Variants in GAPDHS observed in about 807,000 individuals in gnomAD.
GAPDHS encodes the protein glyceraldehyde-3-phosphate dehydrogenase, spermatogenic.
GAPDHS carries 42 observed loss-of-function variants against 48.7 expected under a neutral mutation model. The observed-to-expected ratio is 0.86, with a 90% CI of 0.67 to 1.12. The LOEUF (loss-of-function observed/expected upper bound fraction) is 1.12. Ranked by LOEUF, GAPDHS falls within the 50% of genes most tolerant of loss-of-function variation. The pLI is 0.00. For synonymous variants in GAPDHS, 166 were observed against 219.1 expected (o/e 0.76, Z 2.14); for missense variants, 512 against 557.7 (o/e 0.92, Z 0.82).
At chr19:35,542,883 A>G in intron 6 of GAPDHS, 62 bp from the exon 7 acceptor site, 1 of 1,232,194 alleles carries the variant, frequency 8.1e-7, no homozygotes, top group Non-Finnish European at 1.2e-6. Flanking sequence ...AAGAGGGGTA[A>G]GGGTGGAGGG....
intron 4 of GAPDHS, 27 bp downstream of exon 4, chr19:35,538,710 G>A (rs749377048): frequency 5.3e-6 from 7 of 1,328,046 alleles, no homozygotes; most frequent in Admixed American, 1.7e-5. Context: ...TCTGATGCAC[G>A]GCTGTGACAT....
intron 2 of GAPDHS, 90 bp downstream of exon 2, chr19:35,537,080 C>A: frequency 8.9e-7 from 1 of 1,124,580 alleles, no homozygotes; most frequent in Admixed American, 2.1e-5. Context: ...ACATTTCCCC[C>A]CATCAATGCT....
At position 35,542,590 on chromosome 19, in the gene GAPDHS, G is replaced by A; in HGVS notation, c.641G>A (p.Gly214Asp). Residue 214 changes from glycine (G) to aspartate (D), a missense_variant, in exon 6 of 11, where the codon GGC becomes GAC. By Grantham distance (94) the Gly-to-Asp change is moderately conservative (BLOSUM62 -1). Coordinates refer to ENST00000222286, the MANE Select transcript of GAPDHS (RefSeq NM_014364.5). ...MGVNENDYNP[G>D]SMNIVSNASC... ...GTCAATGAAAATGACTATAACCCTG[G>A]CTCCATGAACATTGTGAGGTAATGT... 6.2e-7 allele frequency: 1 copy of A among 1,610,904 alleles called. No individual in the cohort carries two copies. Among genetic ancestry groups the A allele is most frequent in the Non-Finnish European group, 8.5e-7 (1 of 1,177,102 alleles).
chr19:35,538,478 A>T, intron 3 of GAPDHS, 75 bp downstream of exon 3: 5 of 1,284,034 alleles, frequency 3.9e-6, no homozygotes, highest in Non-Finnish European at 5.6e-6. Flanking sequence ...GCTGTATGGA[A>T]GGCTCTCAGC....
intron 1 of GAPDHS, among the ~76,000 whole-genome samples, chr19:35,534,941 C>T (rs2071455745): frequency 6.6e-6 from 1 of 152,076 alleles, no homozygotes; most frequent in African/African-American, 2.4e-5. Context: ...CTTCTCCACC[C>T]CCTGCTGTCT....
chr19:35,542,577 G>T lies in GAPDHS; in HGVS notation c.628G>T (p.Asp210Tyr). Residue 210 changes from aspartate to tyrosine, a missense_variant, in exon 6 of 11, where the codon GAC becomes TAC. By Grantham distance (160) the Asp-to-Tyr change is radical (BLOSUM62 -3). Coordinates refer to ENST00000222286, the MANE Select transcript of GAPDHS (RefSeq NM_014364.5). ...PMFVMGVNEN[D>Y]YNPGSMNIVS... ...GTTCGTCATGGGTGTCAATGAAAAT[G>T]ACTATAACCCTGGCTCCATGAACAT... The T allele has an allele frequency of 6.2e-7, 1 of 1,613,092 alleles. No individual in the cohort carries two copies. The highest frequency in any genetic ancestry group is 1.1e-5 in the South Asian group (1 of 91,034).
rs756944670 is a variant in GAPDHS at position 35,543,735 on chromosome 19, G to A, written c.964G>A (p.Ala322Thr). 1.8e-5 allele frequency: 29 copies of A among 1,613,832 alleles called. No homozygotes were observed. Among genetic ancestry groups the A allele is most frequent in the East Asian group, 4.5e-5 (2 of 44,900 alleles). The change falls in exon 9 of 11, where the codon GCC becomes ACC. Residue 322 changes from alanine to threonine, a missense_variant. Transcript: ENST00000222286. ...TGTCGTGGACCTGACCTGCCGCCTC[G>A]CCCAGCCTGCCCCCTACTCAGCCAT... Reference protein sequence around the residue: ...VSVVDLTCRLAQPAPYSAIKE... With the variant: ...VSVVDLTCRLTQPAPYSAIKE...
rs756319536 is a variant in GAPDHS, at chr19:35,538,348, A to G, written c.287A>G (p.Glu96Gly). ...CGCCTGGTCCTGCGCGCCTGCATGG[A>G]GAAGGGTGTTAAGGTGGTGGCTGTG... Reference protein sequence around the residue: ...IGRLVLRACMEKGVKVVAVND... With the variant: ...IGRLVLRACMGKGVKVVAVND... Residue 96 changes from glutamate (E) to glycine (G), a missense_variant, in exon 3 of 11, where the codon GAG becomes GGG. Transcript: ENST00000222286. 27 of 1,612,480 alleles carry G rather than the reference A, an allele frequency of 1.7e-5. No individual in the cohort carries two copies. In the South Asian group the frequency reaches 2.3e-4, roughly 14 times the overall value.
intron 9 of GAPDHS, 85 bp from the exon 10 acceptor site, chr19:35,544,824 G>C: frequency 1.2e-6 from 1 of 806,806 alleles, no homozygotes; most frequent in South Asian, 1.3e-5. Flanking sequence ...TGCATGGATG[G>C]GCGATAGAGT....
At chr19:35,538,223 AAGGATTC>A in intron 2 of GAPDHS, 77 bp from the exon 3 acceptor site, 1 of 914,946 alleles carries the variant, frequency 1.1e-6, no homozygotes. Context: ...CCCCTGGATT[AAGGATTC>A]CCAACCAGGC....
At chr19:35,541,376 G>GGAGC (rs1568683238) in intron 4 of GAPDHS, 3 of 151,346 alleles carry the variant, frequency 2.0e-5, no homozygotes, top group African/African-American at 7.3e-5. Context: ...GAGGATGGCC[G>GGAGC]GAGCCAGGAA....
chr19:35,534,943 C>G lies in GAPDHS; in HGVS notation c.67+1349C>G, dbSNP rs145969852. ...CCCCCTTCCAGCCCTTCTCCACCCCCTGCTGTCTCCCTTTCCTCAGGAATC... is the reference window on the plus strand; with the variant it reads ...CCCCCTTCCAGCCCTTCTCCACCCCGTGCTGTCTCCCTTTCCTCAGGAATC... On this transcript the variant is annotated intron_variant, in intron 1 of 10. Coordinates refer to ENST00000222286, the MANE Select transcript of GAPDHS (RefSeq NM_014364.5). Among the ~76,000 whole-genome samples the G allele has an allele frequency of 2.0e-3, 309 of 152,258 alleles. 3 individuals are homozygous for G. Among genetic ancestry groups the G allele is most frequent in the Admixed American group, 8.8e-3 (135 of 15,302 alleles).
rs1274092590 is a variant in GAPDHS, at chr19:35,536,891, A to G, written c.146A>G (p.Glu49Gly). 11 of 1,613,922 alleles carry G rather than the reference A, an allele frequency of 6.8e-6. No homozygotes were observed. The highest frequency in any genetic ancestry group is 9.3e-6 in the Non-Finnish European group (11 of 1,179,928). Residue 49 changes from glutamate (E) to glycine (G), a missense_variant, in exon 2 of 11, where the codon GAG becomes GGG. Coordinates refer to ENST00000222286, the MANE Select transcript of GAPDHS (RefSeq NM_014364.5). ...QPQPEPTPVR[E>G]EIKPPPPPLP... ...CAACCAGAGCCCACACCAGTCAGGG[A>G]GGAAATAAAGCCACCACCGCCACCA...
At chr19:35,542,719 A>C (rs1406785840) in intron 6 of GAPDHS, 111 bp downstream of exon 6, 18 of 841,736 alleles carry the variant, frequency 2.1e-5, no homozygotes, top group Non-Finnish European at 3.2e-5. Context: ...CTCCTTCCCG[A>C]AACTATCTGC....
Position 35,542,081 on chromosome 19 carries a change from C to G in GAPDHS, c.450-238C>G, listed in dbSNP as rs1053607378. ...GAGTTGGGGAGGTCACCACCTGTAC[C>G]CAGGCATAACAGGGGTGGTGCAATC... On this transcript the variant is annotated intron_variant, in intron 4 of 10. Coordinates refer to ENST00000222286, the MANE Select transcript of GAPDHS (RefSeq NM_014364.5). 2.2e-5 allele frequency: 12 copies of G among 548,456 alleles called. No homozygotes were observed. In the African/African-American group the frequency reaches 2.3e-4, roughly 10 times the overall value. The allele number at this position is 548,456 out of a possible 1,614,324, so 34.0% of individuals were successfully genotyped here.
chr19:35,536,789 C>G, intron 1 of GAPDHS, 24 bp from the exon 2 acceptor site: 1 of 1,565,374 alleles, frequency 6.4e-7, no homozygotes, highest in Non-Finnish European at 8.7e-7. Context: ...TCATGCAACC[C>G]ATTCCCTCCC....
At position 35,543,815 on chromosome 19, in the gene GAPDHS, C is replaced by T; in HGVS notation, c.1044C>T (p.Tyr348=). The T allele has an allele frequency of 6.2e-7, 1 of 1,611,768 alleles. No homozygotes were observed. The highest frequency in any genetic ancestry group is 2.2e-5 in the East Asian group (1 of 44,864). The part of the protein sequence containing the change: ...AKGPMAGILA[Y]TEDEVVSTDF... ...GGCCCATGGCTGGCATCCTTGCCTA[C>T]ACCGAGGATGAGGTAGGGGCTGAGG... is the stretch of plus-strand genomic sequence containing the variant. The change falls in exon 9 of 11, where the codon TAC becomes TAT. Residue 348 remains tyrosine (Y), a synonymous_variant. Transcript: ENST00000222286.
chr19:35,537,556 G>A (rs2071473842), intron 2 of GAPDHS, among the ~76,000 whole-genome samples: 1 of 151,374 alleles, frequency 6.6e-6, no homozygotes, highest in Non-Finnish European at 1.5e-5. Context: ...GACAGTCGTG[G>A]ATGTTTTCAT....
chr19:35,533,693 C>T, intron 1 of GAPDHS, 99 bp downstream of exon 1: 1 of 891,076 alleles, frequency 1.1e-6, no homozygotes, highest in Non-Finnish European at 1.7e-6. Flanking sequence ...CCCTTCCTGG[C>T]GTGTGCACCA....
Sources: gnomAD v4.1 joint callset for allele counts (sites outside exome capture counted in the v4.1 genomes callset) on GRCh38, gnomAD v4.1.1 for gene constraint, MANE v1.5 for transcripts, NCBI Gene and HGNC (gene_info 2026-07-23, HGNC 2026-07-21) for gene names.